DTX1: variants seen among roughly 807,000 people sequenced by gnomAD.
The protein encoded by DTX1 is deltex E3 ubiquitin ligase 1.
In DTX1, 26 loss-of-function variants were observed where a neutral mutation model predicts 57.8. That is an observed-to-expected ratio of 0.45 (90% CI 0.33 to 0.62). The LOEUF (loss-of-function observed/expected upper bound fraction) is 0.62, where lower values mean the gene tolerates loss of function less well. Ranked by LOEUF, DTX1 falls within the 20% of genes least tolerant of loss-of-function variation. The pLI is 0.02. For synonymous variants in DTX1, 398 were observed against 394.1 expected (o/e 1.01, Z -0.12); for missense variants, 704 against 895.3 (o/e 0.79, Z 2.73).
In DTX1 at chr12:113,097,197, C is replaced by A; in HGVS notation, c.*258C>A. On this transcript the variant is annotated 3_prime_UTR_variant, in exon 10 of 10. Transcript: ENST00000548759. ...CTACCAAAAAGACAGAGACCCGCCCCCTCACACACAAACACACATGTCCTG... is the reference window on the plus strand; with the variant it reads ...CTACCAAAAAGACAGAGACCCGCCCACTCACACACAAACACACATGTCCTG... 2 of 510,630 alleles carry A rather than the reference C, an allele frequency of 3.9e-6. No homozygotes were observed. The highest frequency in any genetic ancestry group is 7.1e-6 in the Non-Finnish European group (2 of 282,930). 31.6% of individuals were successfully genotyped at this position (510,630 alleles called of 1,614,324 possible). A position where few individuals can be genotyped will look rare whatever the true frequency, so the allele number is the denominator to read the frequency against.
rs979680552 is a variant in DTX1 at position 113,059,653 on chromosome 12, C to T, written c.259+1202C>T. 7.2e-5 allele frequency among the ~76,000 whole-genome samples: 11 copies of T among 152,220 alleles called. 2 individuals are homozygous for T. Among genetic ancestry groups the T allele is most frequent in the Admixed American group, 1.3e-4 (2 of 15,304 alleles). On this transcript the variant is annotated intron_variant, in intron 2 of 9. Coordinates refer to ENST00000548759, the MANE Select transcript of DTX1 (RefSeq NM_004416.3). Reference sequence around the variant, plus strand: ...GCAGAAGCAGCCTAGAAATCCTTGGCATGTTTGACCCCCCAAGGACCAGCT... The same window carrying T: ...GCAGAAGCAGCCTAGAAATCCTTGGTATGTTTGACCCCCCAAGGACCAGCT...
Position 113,079,233 on chromosome 12 carries a change from G to A in DTX1, c.941+1128G>A, listed in dbSNP as rs188237382. Among the ~76,000 whole-genome samples, 281 of 152,272 alleles carry A rather than the reference G, an allele frequency of 1.8e-3. 1 individual carries two copies. The highest frequency in any genetic ancestry group is 6.0e-3 in the African/African-American group (249 of 41,556). On this transcript the variant is annotated intron_variant, in intron 3 of 9. Transcript: ENST00000548759. ...GACCAGAAGAGAAAAGACCAGGGGG[G>A]TTTGGACTGTGGTCCCCAAGAGGAA...
At position 113,058,086 on chromosome 12, in the gene DTX1, G is replaced by A. The variant is rs2044641250; in HGVS notation, c.-107G>A. On this transcript the variant is annotated 5_prime_UTR_variant, in exon 2 of 10. Coordinates refer to ENST00000548759, the MANE Select transcript of DTX1 (RefSeq NM_004416.3). ...CCAGAGTTAGAAAGGAGGCCAGACGGTCCTTGCTGTCCCCCTGGGGAGAGA... is the reference window on the plus strand; with the variant it reads ...CCAGAGTTAGAAAGGAGGCCAGACGATCCTTGCTGTCCCCCTGGGGAGAGA... 6 of 1,438,850 alleles carry A rather than the reference G, an allele frequency of 4.2e-6. No individual in the cohort carries two copies. The highest frequency in any genetic ancestry group is 2.8e-5 in the Admixed American group (1 of 35,668). The allele number at this position is 1,438,850 out of a possible 1,614,324, so 89.1% of individuals were successfully genotyped here.
Position 113,074,064 on chromosome 12 carries a change from C to T in DTX1, c.260-3360C>T, listed in dbSNP as rs533435754. Among the ~76,000 whole-genome samples the T allele has an allele frequency of 1.2e-4, 18 of 152,216 alleles. No individual in the cohort carries two copies. In the South Asian group the frequency reaches 3.7e-3, roughly 32 times the overall value. ...TGGCCAACATGGTGAAATCCCGTCT[C>T]TACGAAAAATACAAAAAAAATCAGC... On this transcript the variant is annotated intron_variant, in intron 2 of 9. Transcript: ENST00000548759.
In DTX1 at chr12:113,057,702, A is replaced by G. The variant is rs1592838742; in HGVS notation, c.-491A>G. On this transcript the variant is annotated 5_prime_UTR_variant, in exon 2 of 10. Transcript: ENST00000548759. ...AGACCGGAGGGAGGCGAGAAGCCCC[A>G]CTGAAGCCGGGCGCAGGGTCTGGGA... 2 of 157,206 alleles carry G rather than the reference A, an allele frequency of 1.3e-5. No homozygotes were observed. The highest frequency in any genetic ancestry group is 2.4e-5 in the African/African-American group (1 of 41,638). The allele number at this position is 157,206 out of a possible 1,614,324, so 9.7% of individuals were successfully genotyped here.
Position 113,056,934 on chromosome 12 carries a change from G to C in DTX1, c.-755G>C, listed in dbSNP as rs1356921639. ...GCGAGCCGGAGCCGGAGCCGGAGAC[G>C]AAGAGAGGCGGTGAGAACGCGGGTG... On this transcript the variant is annotated 5_prime_UTR_variant, in exon 1 of 10. Coordinates refer to ENST00000548759, the MANE Select transcript of DTX1 (RefSeq NM_004416.3). 6.5e-6 allele frequency: 1 copy of C among 152,760 alleles called. No homozygotes were observed. Among genetic ancestry groups the C allele is most frequent in the Non-Finnish European group, 1.5e-5 (1 of 68,546 alleles). The allele number at this position is 152,760 out of a possible 1,614,324, so 9.5% of individuals were successfully genotyped here. A position where few individuals can be genotyped will look rare whatever the true frequency, so the allele number is the denominator to read the frequency against.
At chr12:113,094,455 G>A (rs1477183102) in intron 6 of DTX1, among the ~76,000 whole-genome samples, 1 of 152,212 alleles carries the variant, frequency 6.6e-6, no homozygotes, top group African/African-American at 2.4e-5. Flanking sequence ...GCTCATCCCT[G>A]TAGTTCCAGC....
At chr12:113,072,726 CAG>C (rs1400125849) in intron 2 of DTX1, among the ~76,000 whole-genome samples, 8 of 100,770 alleles carry the variant, frequency 7.9e-5, no homozygotes, top group Non-Finnish European at 1.5e-4. Context: ...TTTTTTGAGA[CAG>C]AGTCTTGCTT....
intron 3 of DTX1, among the ~76,000 whole-genome samples, chr12:113,091,434 T>C (rs1044595970): frequency 8.0e-6 from 1 of 124,842 alleles, no homozygotes; most frequent in Non-Finnish European, 2.0e-5. Context: ...CTCCCTGGTA[T>C]CTGTGTGTCT....
chr12:113,078,464 G>A (rs1466514818), intron 3 of DTX1, among the ~76,000 whole-genome samples: 1 of 152,180 alleles, frequency 6.6e-6, no homozygotes, highest in African/African-American at 2.4e-5. Flanking sequence ...CCCGTTATAT[G>A]TATCACCTCG....
At chr12:113,060,925 G>C (rs2044659765) in intron 2 of DTX1, among the ~76,000 whole-genome samples, 1 of 152,134 alleles carries the variant, frequency 6.6e-6, no homozygotes, top group African/African-American at 2.4e-5. Flanking sequence ...GGGCGGCAGG[G>C]TCCTTAGAAG....
chr12:113,083,866 G>A (rs957203091), intron 3 of DTX1, among the ~76,000 whole-genome samples: 11 of 152,118 alleles, frequency 7.2e-5, no homozygotes, highest in African/African-American at 2.7e-4. Flanking sequence ...TACAGGTTGG[G>A]TGACCTTGGA....
chr12:113,063,861 C>G (rs905894065), intron 2 of DTX1, among the ~76,000 whole-genome samples: 1 of 152,202 alleles, frequency 6.6e-6, no homozygotes, highest in African/African-American at 2.4e-5. Context: ...GGGGAAAACA[C>G]CTCCAGAATT....
At chr12:113,081,323 C>T (rs1021142942) in intron 3 of DTX1, among the ~76,000 whole-genome samples, 1 of 151,960 alleles carries the variant, frequency 6.6e-6, no homozygotes, top group Admixed American at 6.6e-5. Flanking sequence ...AGTGAGACTC[C>T]GTCTCCAAAA....
In DTX1 at chr12:113,093,424, G is replaced by A. The variant is rs1950261261; in HGVS notation, c.1004-115G>A. 1 of 1,367,298 alleles carries A rather than the reference G, an allele frequency of 7.3e-7. No homozygotes were observed. The highest frequency in any genetic ancestry group is 9.7e-7 in the Non-Finnish European group (1 of 1,031,876). The allele number at this position is 1,367,298 out of a possible 1,614,324, so 84.7% of individuals were successfully genotyped here. A position where few individuals can be genotyped will look rare whatever the true frequency, so the allele number is the denominator to read the frequency against. On this transcript the variant is annotated intron_variant, in intron 4 of 9. Coordinates refer to ENST00000548759, the MANE Select transcript of DTX1 (RefSeq NM_004416.3). This position sits in a 1 kb window ranked among gnomAD's most constrained non-coding sequence, Gnocchi z 4.2. The stretch of plus-strand genomic sequence containing the variant: ...GCCTTCAAGGGGCTGAGTGGGTGGG[G>A]CCCAAGAGCGCAACCCTCCCACCCA...
intron 3 of DTX1, among the ~76,000 whole-genome samples, chr12:113,079,275 C>T (rs1483262768): frequency 2.0e-5 from 3 of 152,162 alleles, no homozygotes; most frequent in Non-Finnish European, 4.4e-5. Flanking sequence ...GCACCCAAAA[C>T]CAACTGTGCT....
chr12:113,073,305 G>A (rs1279311197), intron 2 of DTX1, among the ~76,000 whole-genome samples: 4 of 152,162 alleles, frequency 2.6e-5, no homozygotes, highest in Non-Finnish European at 4.4e-5. Context: ...GCAGGTGGGA[G>A]CAGGATCCAG....
At chr12:113,080,618 C>T (rs2264887) in intron 3 of DTX1, among the ~76,000 whole-genome samples, 48,952 of 146,870 alleles carry the variant, frequency 0.33, 7,974 homozygotes, top group Admixed American at 0.37. Flanking sequence ...TGGAATGGAA[C>T]GGAATGGAAA....
intron 3 of DTX1, among the ~76,000 whole-genome samples, chr12:113,089,488 TA>T (rs1950230119): frequency 6.6e-6 from 1 of 152,054 alleles, no homozygotes; most frequent in African/African-American, 2.4e-5. Context: ...AAGGCAGAGC[TA>T]GGGGTGAAGG....
Sources: allele counts gnomAD v4.1 joint callset (sites outside exome capture counted in the v4.1 genomes callset), GRCh38; gene constraint gnomAD v4.1.1; non-coding constraint Gnocchi (gnomAD v3.1); transcripts MANE v1.5; gene names NCBI Gene and HGNC (gene_info 2026-07-23, HGNC 2026-07-21).